The following C2CD3 variants were observed in gnomAD, a reference collection of about 807,000 sequenced individuals.
C2CD3 encodes C2 domain-containing protein 3.
Under a neutral mutation model 234.0 loss-of-function variants are expected in C2CD3, and 148 were observed. The ratio of observed to expected loss-of-function variants is 0.63; its 90% confidence interval spans 0.55 to 0.72. C2CD3 has a LOEUF of 0.72. C2CD3 is among the 30% of genes least tolerant of loss of function. The pLI is 0.00. For synonymous variants in C2CD3, 1,000 were observed against 1,035.4 expected (o/e 0.97, Z 0.66); for missense variants, 2,577 against 2,811.5 (o/e 0.92, Z 1.89).
rs1452296012 is a variant in C2CD3, at chr11:74,106,454, C to G, written c.2002G>C (p.Val668Leu). 6.2e-7 allele frequency: 1 copy of G among 1,613,812 alleles called. No individual in the cohort carries two copies. Among genetic ancestry groups the G allele is most frequent in the African/African-American group, 1.3e-5 (1 of 74,926 alleles). Reference sequence around the variant, plus strand: ...AAAGAAAGCAGCTCTGATTGAATGACAGCTCGCAAAGAAAGTGACACAGAT... The same window carrying G: ...AAAGAAAGCAGCTCTGATTGAATGAGAGCTCGCAAAGAAAGTGACACAGAT... ...IGSVSLSLRA[V>L]IQSELLSFSD... The change falls in exon 13 of 33, where the codon GTC becomes CTC. Residue 668 changes from valine (V) to leucine (L), a missense_variant. Physicochemically the swap from Val to Leu is conservative, Grantham distance 32. Coordinates refer to ENST00000334126, the MANE Select transcript of C2CD3 (RefSeq NM_001286577.2).
chr11:74,142,826 A>C (rs950561320), intron 3 of C2CD3, among the ~76,000 whole-genome samples: 12 of 152,156 alleles, frequency 7.9e-5, no homozygotes, highest in Non-Finnish European at 1.6e-4. Flanking sequence ...CCAGATCTTC[A>C]TTCCTGTCCA....
At chr11:74,084,334 C>T (rs556290351) in intron 22 of C2CD3, among the ~76,000 whole-genome samples, 1 of 151,670 alleles carries the variant, frequency 6.6e-6, no homozygotes, top group South Asian at 2.1e-4. Context: ...AGGAGAAATA[C>T]CTAATGTAAA....
At chr11:74,022,513 T>C (rs1285151848) in intron 32 of C2CD3, among the ~76,000 whole-genome samples, 1 of 152,076 alleles carries the variant, frequency 6.6e-6, no homozygotes, top group Non-Finnish European at 1.5e-5. Context: ...TCATTCAAAG[T>C]CATATTTGAA....
intron 1 of C2CD3, among the ~76,000 whole-genome samples, chr11:74,169,613 T>C (rs1408590632): frequency 6.6e-6 from 1 of 152,190 alleles, no homozygotes; most frequent in Non-Finnish European, 1.5e-5. Flanking sequence ...AACATAAAAA[T>C]TATACACAGT....
intron 22 of C2CD3, 77 bp from the exon 23 acceptor site, chr11:74,078,794 T>C (rs1955193868): frequency 3.0e-6 from 4 of 1,323,522 alleles, no homozygotes; most frequent in Non-Finnish European, 4.1e-6. Context: ...CTCCACCCCA[T>C]AGTGTCCTAT....
At chr11:74,166,877 G>A (rs1047787665) in intron 2 of C2CD3, among the ~76,000 whole-genome samples, 1 of 152,092 alleles carries the variant, frequency 6.6e-6, no homozygotes, top group African/African-American at 2.4e-5. Context: ...ATTCCTGACA[G>A]GTAAGTGCTA....
At chr11:74,112,814 T>G (rs1324338779) in intron 11 of C2CD3, among the ~76,000 whole-genome samples, 2 of 152,222 alleles carry the variant, frequency 1.3e-5, no homozygotes, top group Non-Finnish European at 2.9e-5. Flanking sequence ...TTGACGAGGA[T>G]GTAGACAAAT....
chr11:74,168,578 G>A lies in C2CD3; in HGVS notation c.91C>T (p.Pro31Ser). Residue 31 changes from proline to serine, a missense_variant, in exon 2 of 33, where the codon CCT becomes TCT. Pro to Ser is a moderately conservative substitution (Grantham distance 74, BLOSUM62 -1). Transcript: ENST00000334126. The part of the protein sequence containing the change: ...SDISPSTSLP[P>S]LVEGQLRCFL... ...CAGCGTAGCTGGCCTTCAACCAGAGGTGGCAGGCTTGTAGATGGAGAAATG... is the reference window on the plus strand; with the variant it reads ...CAGCGTAGCTGGCCTTCAACCAGAGATGGCAGGCTTGTAGATGGAGAAATG... 6.2e-7 allele frequency: 1 copy of A among 1,614,176 alleles called. No individual in the cohort carries two copies. The highest frequency in any genetic ancestry group is 8.5e-7 in the Non-Finnish European group (1 of 1,180,000).
intron 1 of C2CD3, 61 bp from the exon 2 acceptor site, chr11:74,168,674 A>T (rs1856961618): frequency 6.9e-7 from 1 of 1,442,916 alleles, no homozygotes. Context: ...AACATATAAT[A>T]TGCTTTTTGA....
chr11:74,133,583 G>GA (rs758758097), intron 5 of C2CD3, 26 bp from the exon 6 acceptor site: 2 of 1,612,042 alleles, frequency 1.2e-6, no homozygotes, highest in Non-Finnish European at 1.7e-6. Flanking sequence ...GCAGAAAACA[G>GA]AAAAATCCAA....
intron 31 of C2CD3, among the ~76,000 whole-genome samples, chr11:74,030,634 G>A (rs535388393): frequency 4.6e-5 from 7 of 152,274 alleles, no homozygotes; most frequent in African/African-American, 1.7e-4. Flanking sequence ...CACTGGAGAT[G>A]CTCAGAGTCT....
chr11:74,126,799 A>G (rs1957427868), intron 7 of C2CD3, among the ~76,000 whole-genome samples: 1 of 152,170 alleles, frequency 6.6e-6, no homozygotes, highest in Non-Finnish European at 1.5e-5. Context: ...AATAGTTTTT[A>G]GTATGTTCAT....
At position 74,098,997 on chromosome 11, in the gene C2CD3, A is replaced by G. The variant is rs867242866; in HGVS notation, c.2733-742T>C. ...ACTAAACTGAGATAACATACAAAAT[A>G]CCAACTATGATGCTTGGTACATGGA... On this transcript the variant is annotated intron_variant, in intron 15 of 32. Transcript: ENST00000334126. Among the ~76,000 whole-genome samples the G allele has an allele frequency of 3.3e-5, 5 of 152,222 alleles. No individual in the cohort carries two copies. The South Asian group carries it at 6.2e-4, about 19-fold the overall frequency.
chr11:74,167,231 A>C (rs1363954849), intron 2 of C2CD3, among the ~76,000 whole-genome samples: 1 of 152,194 alleles, frequency 6.6e-6, no homozygotes, highest in East Asian at 1.9e-4. Flanking sequence ...ATGTTAATAA[A>C]TACCTTCTCT....
chr11:74,019,694 TC>T (rs1952011699), intron 32 of C2CD3, among the ~76,000 whole-genome samples: 1 of 152,008 alleles, frequency 6.6e-6, no homozygotes, highest in African/African-American at 2.4e-5. Flanking sequence ...TTTTTTTTTT[TC>T]AGACACAGTT....
intron 32 of C2CD3, among the ~76,000 whole-genome samples, chr11:74,015,991 C>T (rs761208660): frequency 6.6e-6 from 1 of 151,962 alleles, no homozygotes; most frequent in Non-Finnish European, 1.5e-5. Context: ...GTGGGAGGAT[C>T]GCTTGAGCCC....
At chr11:74,083,022 A>G (rs1955461931) in intron 22 of C2CD3, among the ~76,000 whole-genome samples, 1 of 152,192 alleles carries the variant, frequency 6.6e-6, no homozygotes, top group Non-Finnish European at 1.5e-5. Context: ...TGGAGGCATC[A>G]CGCTACCTGA....
At chr11:74,107,170 A>G (rs1046152334) in intron 12 of C2CD3, among the ~76,000 whole-genome samples, 1 of 152,090 alleles carries the variant, frequency 6.6e-6, no homozygotes, top group African/African-American at 2.4e-5. Flanking sequence ...TAAAAATACA[A>G]AAAAATTAGC....
At chr11:74,031,007 T>C (rs1384940781) in intron 31 of C2CD3, among the ~76,000 whole-genome samples, 1 of 152,232 alleles carries the variant, frequency 6.6e-6, no homozygotes, top group Non-Finnish European at 1.5e-5. Context: ...TCATCTCTTG[T>C]TATTATTGCA....
Sources: allele counts gnomAD v4.1 joint callset (sites outside exome capture counted in the v4.1 genomes callset), GRCh38; gene constraint gnomAD v4.1.1; transcripts MANE v1.5; gene names NCBI Gene and HGNC (gene_info 2026-07-23, HGNC 2026-07-21).